Variants in ACOXL observed in about 807,000 individuals in gnomAD.
The protein encoded by ACOXL is acyl-CoA oxidase like, also known as acyl-coenzyme A oxidase-like protein.
In ACOXL, 70 loss-of-function variants were observed where a neutral mutation model predicts 71.9. The observed-to-expected ratio is 0.97, with a 90% CI of 0.80 to 1.19. The LOEUF is 1.19. Ranked by LOEUF, ACOXL falls within the 50% of genes most tolerant of loss-of-function variation. ACOXL has a pLI of 0.00. For missense variants in ACOXL, 703 were observed against 736.3 expected, an observed-to-expected ratio of 0.95 and a Z score of 0.52; for synonymous variants, 253 against 281.6, an observed-to-expected ratio of 0.90 and a Z score of 1.02.
In ACOXL at chr2:110,855,967, T is replaced by A. The variant is rs575871115; in HGVS notation, c.788+14562T>A. On this transcript the variant is annotated intron_variant, in intron 10 of 17. Transcript: ENST00000439055. ...ATTCCCTTATTTGACCTCTCTGATG[T>A]TCTGTTTCTGTCCTATCAGAATGCC... 1.2e-4 allele frequency among the ~76,000 whole-genome samples: 18 copies of A among 152,322 alleles called. 1 individual carries two copies. In the South Asian group the frequency reaches 3.7e-3, roughly 32 times the overall value.
At chr2:111,055,782 A>T (rs751449617) in intron 16 of ACOXL, among the ~76,000 whole-genome samples, 8 of 152,242 alleles carry the variant, frequency 5.3e-5, no homozygotes, top group Non-Finnish European at 7.3e-5. Context: ...CTGAATTCCC[A>T]TAACACAGCT....
At chr2:110,943,040 G>GGAAGGAAGAAAGAA (rs2060934353) in intron 12 of ACOXL, among the ~76,000 whole-genome samples, 1 of 133,268 alleles carries the variant, frequency 7.5e-6, no homozygotes, top group African/African-American at 2.9e-5. Context: ...AGGAAGGAAA[G>GGAAGGAAGAAAGAA]AAGGAAGGAA....
chr2:110,820,234 G>A (rs1465398431), intron 9 of ACOXL, among the ~76,000 whole-genome samples: 1 of 152,122 alleles, frequency 6.6e-6, no homozygotes, highest in African/African-American at 2.4e-5. Context: ...TAGTGTTTTA[G>A]TGGGAGGAAC....
chr2:110,739,473 A>G (rs1302382577), intron 1 of ACOXL, among the ~76,000 whole-genome samples: 1 of 152,216 alleles, frequency 6.6e-6, no homozygotes, highest in Non-Finnish European at 1.5e-5. Context: ...GTTAGAACAA[A>G]TCACTTGATG....
intron 13 of ACOXL, among the ~76,000 whole-genome samples, chr2:110,991,613 C>G (rs2063176984): frequency 6.6e-6 from 1 of 152,080 alleles, no homozygotes; most frequent in African/African-American, 2.4e-5. Flanking sequence ...ATGGAAAACA[C>G]AGTAAATGAT....
At position 111,111,539 on chromosome 2, in the gene ACOXL, T is replaced by C. The variant is rs1174713501; in HGVS notation, c.1543-6077T>C. ...CAGCATTGTGGTTACTTTAATCCCA[T>C]TGCCAAAACATTTATATGGTTTCCT... is the stretch of plus-strand genomic sequence containing the variant. On this transcript the variant is annotated intron_variant, in intron 17 of 17. Transcript: ENST00000439055. Among the ~76,000 whole-genome samples, 7 of 152,366 alleles carry C rather than the reference T, an allele frequency of 4.6e-5. No homozygotes were observed. The East Asian group carries it at 1.3e-3, about 29-fold the overall frequency.
intron 12 of ACOXL, among the ~76,000 whole-genome samples, chr2:110,970,216 T>C (rs553894140): frequency 2.6e-5 from 4 of 152,224 alleles, no homozygotes; most frequent in Admixed American, 2.0e-4. Context: ...GTATCACTCA[T>C]GAATGTAGAT....
chr2:110,758,858 A>T (rs1680020188), intron 1 of ACOXL, among the ~76,000 whole-genome samples: 1 of 152,178 alleles, frequency 6.6e-6, no homozygotes, highest in African/African-American at 2.4e-5. Flanking sequence ...TGCGTCACAG[A>T]GATTCTGGTA....
At chr2:110,939,422 A>AC (rs532085410) in intron 12 of ACOXL, among the ~76,000 whole-genome samples, 191 of 152,078 alleles carry the variant, frequency 1.3e-3, no homozygotes, top group African/African-American at 4.4e-3. Flanking sequence ...AAATTTTAGA[A>AC]CCCCCCTAAT....
chr2:110,801,083 T>A (rs925433228), intron 7 of ACOXL, among the ~76,000 whole-genome samples: 1 of 152,200 alleles, frequency 6.6e-6, no homozygotes. Flanking sequence ...GGCAGGTGTC[T>A]TTAGGAAATG....
chr2:111,097,297 C>T (rs531434581), intron 17 of ACOXL, among the ~76,000 whole-genome samples: 1 of 152,182 alleles, frequency 6.6e-6, no homozygotes, highest in Non-Finnish European at 1.5e-5. Context: ...CTATATGACC[C>T]CACAACAACC....
Position 111,117,848 on chromosome 2 carries a change from G to T in ACOXL, c.*32G>T, listed in dbSNP as rs773642211. 6.5e-7 allele frequency: 1 copy of T among 1,533,120 alleles called. No individual in the cohort carries two copies. The highest frequency in any genetic ancestry group is 1.2e-5 in the South Asian group (1 of 83,708). 95.0% of individuals were successfully genotyped at this position (1,533,120 alleles called of 1,614,324 possible). A position where few individuals can be genotyped will look rare whatever the true frequency, so the allele number is the denominator to read the frequency against. ...TGGCGGGAAGTGTGGTGGCCCGCCA[G>T]CAGCTGCCACGACGCTCGCTCCACC... is the stretch of plus-strand genomic sequence containing the variant. On this transcript the variant is annotated 3_prime_UTR_variant, in exon 18 of 18. Transcript: ENST00000439055.
At chr2:110,921,632 A>T (rs1380910929) in intron 11 of ACOXL, among the ~76,000 whole-genome samples, 2 of 151,630 alleles carry the variant, frequency 1.3e-5, no homozygotes, top group African/African-American at 4.8e-5. Flanking sequence ...TGACCTCGTG[A>T]TCTGCCCGCC....
chr2:110,965,287 T>C (rs2061876803), intron 12 of ACOXL, among the ~76,000 whole-genome samples: 1 of 152,206 alleles, frequency 6.6e-6, no homozygotes, highest in Non-Finnish European at 1.5e-5. Flanking sequence ...AATAAACATG[T>C]GGGTGCAGGT....
intron 12 of ACOXL, among the ~76,000 whole-genome samples, chr2:110,945,649 TC>T (rs951021554): frequency 6.6e-6 from 1 of 152,172 alleles, no homozygotes; most frequent in African/African-American, 2.4e-5. Flanking sequence ...GATCAGGTGA[TC>T]AGAGGTGTGT....
intron 11 of ACOXL, 65 bp from the exon 12 acceptor site, chr2:110,933,424 T>C: frequency 3.9e-6 from 6 of 1,546,620 alleles, no homozygotes; most frequent in Admixed American, 1.8e-5. Context: ...TCACAGATAA[T>C]GCTCCTTCAC....
intron 9 of ACOXL, among the ~76,000 whole-genome samples, chr2:110,819,328 A>G (rs1254313250): frequency 2.0e-5 from 3 of 152,218 alleles, no homozygotes; most frequent in Non-Finnish European, 4.4e-5. Context: ...AGATTTACTC[A>G]TGGTTCAGGA....
At chr2:110,839,251 T>C (rs1222218785) in intron 9 of ACOXL, among the ~76,000 whole-genome samples, 1 of 152,192 alleles carries the variant, frequency 6.6e-6, no homozygotes, top group African/African-American at 2.4e-5. Context: ...TATCAAAATA[T>C]TCAGTCAGTA....
chr2:110,936,114 C>T (rs1372761439), intron 12 of ACOXL, among the ~76,000 whole-genome samples: 2 of 152,074 alleles, frequency 1.3e-5, no homozygotes, highest in Non-Finnish European at 2.9e-5. Flanking sequence ...TGGTCCATGG[C>T]CTGGGGATTG....
Sources: allele counts gnomAD v4.1 joint callset (sites outside exome capture counted in the v4.1 genomes callset), GRCh38; gene constraint gnomAD v4.1.1; transcripts MANE v1.5; gene names NCBI Gene and HGNC (gene_info 2026-07-23, HGNC 2026-07-21).